Variants in CSMD3 observed in about 807,000 individuals in gnomAD.
CSMD3 encodes CUB and sushi domain-containing protein 3.
A neutral mutation model predicts 435.2 loss-of-function variants in CSMD3; 177 were observed. That is an observed-to-expected ratio of 0.41 (90% CI 0.36 to 0.46). The LOEUF (loss-of-function observed/expected upper bound fraction) is 0.46. CSMD3 is among the 20% of genes least tolerant of loss of function. The probability of loss-of-function intolerance (pLI) is 0.34; values close to 1 mark genes in which losing one functional copy is unlikely to be tolerated. For synonymous variants in CSMD3, 1,656 were observed against 1,520.5 expected, an observed-to-expected ratio of 1.09 and a Z score of -2.07; for missense variants, 4,265 against 4,504.6, an observed-to-expected ratio of 0.95 and a Z score of 1.52.
chr8:113,106,462 T>TAGGAAA (rs1303611961), intron 4 of CSMD3, among the ~76,000 whole-genome samples: 1 of 152,176 alleles, frequency 6.6e-6, no homozygotes, highest in East Asian at 1.9e-4. Flanking sequence ...AAAGAACAGA[T>TAGGAAA]ATCCCCTATA....
At chr8:112,742,214 A>T (rs1246400829) in intron 13 of CSMD3, among the ~76,000 whole-genome samples, 2 of 151,982 alleles carry the variant, frequency 1.3e-5, no homozygotes, top group Non-Finnish European at 2.9e-5. Context: ...ATTAATTATA[A>T]AACACCATGT....
intron 11 of CSMD3, among the ~76,000 whole-genome samples, chr8:112,851,721 GCCA>G (rs2080494487): frequency 1.3e-5 from 2 of 151,300 alleles, no homozygotes; most frequent in African/African-American, 4.9e-5. Flanking sequence ...CTGAGATCGT[GCCA>G]TTACACTCCA....
At chr8:113,250,801 G>C (rs189048328) in intron 3 of CSMD3, among the ~76,000 whole-genome samples, 95 of 152,182 alleles carry the variant, frequency 6.2e-4, no homozygotes, top group African/African-American at 2.2e-3. Context: ...GTTTACTGGG[G>C]TTAAAAACCA....
chr8:113,186,976 T>C (rs1272011410), intron 3 of CSMD3, among the ~76,000 whole-genome samples: 6 of 151,924 alleles, frequency 3.9e-5, no homozygotes, highest in Non-Finnish European at 5.9e-5. Flanking sequence ...TATAACTGGT[T>C]CCCATTGGGG....
At chr8:112,965,690 T>C (rs1474020652) in intron 7 of CSMD3, among the ~76,000 whole-genome samples, 1 of 151,982 alleles carries the variant, frequency 6.6e-6, no homozygotes, top group African/African-American at 2.4e-5. Flanking sequence ...TCAGGCATTC[T>C]GAGTACTTTT....
chr8:112,431,936 C>T (rs2130403446), intron 32 of CSMD3, among the ~76,000 whole-genome samples: 1 of 152,254 alleles, frequency 6.6e-6, no homozygotes, highest in Middle Eastern at 3.4e-3. Context: ...TCTCTCCTCT[C>T]TCTTGGAGAA....
At chr8:112,595,212 A>G (rs1373548892) in intron 22 of CSMD3, among the ~76,000 whole-genome samples, 1 of 151,804 alleles carries the variant, frequency 6.6e-6, no homozygotes. Context: ...GAACTACGTG[A>G]AGAATGCAGA....
At chr8:113,431,166 G>T (rs2094670420) in intron 1 of CSMD3, among the ~76,000 whole-genome samples, 1 of 152,204 alleles carries the variant, frequency 6.6e-6, no homozygotes. Flanking sequence ...CTCACTCTGA[G>T]AGCAGAAAGA....
chr8:112,330,510 C>T (rs16883455), intron 45 of CSMD3, among the ~76,000 whole-genome samples: 30 of 152,134 alleles, frequency 2.0e-4, no homozygotes, highest in South Asian at 1.5e-3. Flanking sequence ...ATACTCTAGT[C>T]GCCTGGTTAT....
At chr8:112,964,882 C>T (rs2084360501) in intron 7 of CSMD3, among the ~76,000 whole-genome samples, 1 of 151,934 alleles carries the variant, frequency 6.6e-6, no homozygotes, top group African/African-American at 2.4e-5. Flanking sequence ...ATATCCTACG[C>T]AATGCACCCT....
At chr8:112,762,610 A>G (rs1315178255) in intron 13 of CSMD3, among the ~76,000 whole-genome samples, 1 of 152,016 alleles carries the variant, frequency 6.6e-6, no homozygotes, top group African/African-American at 2.4e-5. Flanking sequence ...ACTTTATTAT[A>G]GAATAGATTA....
intron 70 of CSMD3, among the ~76,000 whole-genome samples, chr8:112,227,910 C>T (rs909399619): frequency 3.9e-5 from 6 of 152,070 alleles, no homozygotes; most frequent in South Asian, 2.1e-4. Flanking sequence ...GGCATGATGG[C>T]GGGTACCTGT....
chr8:112,243,432 C>T (rs1362355340), intron 65 of CSMD3, among the ~76,000 whole-genome samples: 1 of 152,072 alleles, frequency 6.6e-6, no homozygotes, highest in Non-Finnish European at 1.5e-5. Flanking sequence ...AGTTCCTTTA[C>T]TCCTTCTTCT....
intron 24 of CSMD3, among the ~76,000 whole-genome samples, chr8:112,562,656 AT>A (rs2131256361): frequency 6.6e-6 from 1 of 151,730 alleles, no homozygotes; most frequent in African/African-American, 2.4e-5. Context: ...TTTAACCTCT[AT>A]AGAATTGTTG....
chr8:112,711,130 A>G (rs1340859262), intron 13 of CSMD3, among the ~76,000 whole-genome samples: 2 of 152,198 alleles, frequency 1.3e-5, no homozygotes, highest in East Asian at 1.9e-4. Flanking sequence ...AGTAACTGAT[A>G]TAAGTGCTTA....
chr8:112,998,149 T>G (rs2085724959), intron 6 of CSMD3, among the ~76,000 whole-genome samples: 1 of 151,782 alleles, frequency 6.6e-6, no homozygotes, highest in South Asian at 2.1e-4. Flanking sequence ...AATATAGCCT[T>G]GAAGATAGCT....
At chr8:112,758,128 G>A (rs933178403) in intron 13 of CSMD3, among the ~76,000 whole-genome samples, 1 of 151,974 alleles carries the variant, frequency 6.6e-6, no homozygotes, top group Admixed American at 6.6e-5. Flanking sequence ...CCCGAGGCGG[G>A]TGGATCACAA....
At chr8:113,179,259 G>T (rs181213234) in intron 3 of CSMD3, among the ~76,000 whole-genome samples, 45 of 151,738 alleles carry the variant, frequency 3.0e-4, no homozygotes, top group African/African-American at 8.7e-4. Flanking sequence ...CTCAATATGA[G>T]ACAAATATTA....
chr8:112,882,834 G>T (rs929499774), intron 10 of CSMD3, among the ~76,000 whole-genome samples: 1 of 151,930 alleles, frequency 6.6e-6, no homozygotes, highest in African/African-American at 2.4e-5. Context: ...CCATAAACAG[G>T]TTAAAGACTT....
Sources: gnomAD v4.1 joint callset for allele counts (sites outside exome capture counted in the v4.1 genomes callset) on GRCh38, gnomAD v4.1.1 for gene constraint, MANE v1.5 for transcripts, NCBI Gene and HGNC (gene_info 2026-07-23, HGNC 2026-07-21) for gene names.